FHIP1A: variants seen among roughly 807,000 people sequenced by gnomAD.
The protein encoded by FHIP1A is FHF complex subunit HOOK interacting protein 1A.
FHIP1A carries 61 observed loss-of-function variants against 88.6 expected under a neutral mutation model. The ratio of observed to expected loss-of-function variants is 0.69; its 90% CI spans 0.56 to 0.85. The LOEUF is 0.85. Among genes scored for constraint, FHIP1A ranks in the 40% least tolerant of loss-of-function variants. The pLI is 0.00. For synonymous variants in FHIP1A, 478 were observed against 496.0 expected (o/e 0.96, Z 0.48); for missense variants, 1,154 against 1,273.5 (o/e 0.91, Z 1.43).
At chr4:151,570,140 C>A (rs897395515) in intron 4 of FHIP1A, among the ~76,000 whole-genome samples, 1 of 152,158 alleles carries the variant, frequency 6.6e-6, no homozygotes. Flanking sequence ...GAATTTGTTA[C>A]GTCCTGGCTT....
At chr4:151,600,800 A>T (rs1734840591) in intron 7 of FHIP1A, among the ~76,000 whole-genome samples, 1 of 152,084 alleles carries the variant, frequency 6.6e-6, no homozygotes, top group African/African-American at 2.4e-5. Flanking sequence ...CGGTAATTGG[A>T]TTCCTGTACT....
rs1578870859 is a variant in FHIP1A, at chr4:151,656,438, C to T, written c.2730+28C>T. The T allele has an allele frequency of 1.3e-6, 2 of 1,542,330 alleles. No individual in the cohort carries two copies. The highest frequency in any genetic ancestry group is 2.5e-5 in the East Asian group (1 of 40,764). On this transcript the variant is annotated intron_variant, in intron 12 of 13. Coordinates refer to ENST00000435205, the MANE Select transcript of FHIP1A (RefSeq NM_001109977.3). This position sits in a 1 kb window ranked among gnomAD's most constrained non-coding sequence, Gnocchi z 4.2. ...ATGTTAGCTGAACCCACATCCACAC[C>T]TGTTGATTTTGTGGGTGCTAATTTG...
chr4:151,545,058 C>T (rs1183401997), intron 3 of FHIP1A, among the ~76,000 whole-genome samples: 1 of 152,152 alleles, frequency 6.6e-6, no homozygotes, highest in Non-Finnish European at 1.5e-5. Flanking sequence ...CTGGGCAACA[C>T]AGTGGGACTC....
intron 3 of FHIP1A, among the ~76,000 whole-genome samples, chr4:151,543,632 A>G (rs1404797156): frequency 6.6e-6 from 1 of 152,214 alleles, no homozygotes; most frequent in Admixed American, 6.5e-5. Context: ...ACGTACACAC[A>G]TTATACATAA....
At chr4:151,535,519 A>T (rs2126718801) in intron 3 of FHIP1A, among the ~76,000 whole-genome samples, 1 of 152,332 alleles carries the variant, frequency 6.6e-6, no homozygotes, top group East Asian at 1.9e-4. Context: ...AATTTACACT[A>T]TATATACATA....
chr4:151,657,403 G>C (rs1442812248), intron 13 of FHIP1A, among the ~76,000 whole-genome samples: 4 of 152,120 alleles, frequency 2.6e-5, no homozygotes, highest in Non-Finnish European at 4.4e-5. Flanking sequence ...TAAAGTTTAT[G>C]CTCAGCCTAA....
At position 151,585,129 on chromosome 4, in the gene FHIP1A, G is replaced by A. The variant is rs985514086; in HGVS notation, c.733-1512G>A. On this transcript the variant is annotated intron_variant, in intron 5 of 13. Transcript: ENST00000435205. ...TTTCTTGAATGTTTCCATCTCATTC[G>A]AGGCCATTGTCACCTCAGGGTTTGT... is the stretch of plus-strand genomic sequence containing the variant. Among the ~76,000 whole-genome samples, 123 of 151,778 alleles carry A rather than the reference G, an allele frequency of 8.1e-4. 1 individual carries two copies. Among genetic ancestry groups the A allele is most frequent in the Non-Finnish European group, 2.4e-4 (16 of 67,960 alleles).
intron 3 of FHIP1A, among the ~76,000 whole-genome samples, chr4:151,502,510 C>T (rs533766593): frequency 6.6e-6 from 1 of 151,994 alleles, no homozygotes; most frequent in Non-Finnish European, 1.5e-5. Flanking sequence ...AAGATTTGAG[C>T]AGGTGGAAGA....
chr4:151,530,642 C>T (rs991497771), intron 3 of FHIP1A, among the ~76,000 whole-genome samples: 9 of 152,128 alleles, frequency 5.9e-5, no homozygotes, highest in Non-Finnish European at 1.2e-4. Context: ...TCTGGGAAAA[C>T]GTTTGCAATT....
chr4:151,558,980 A>G (rs1733065185), intron 3 of FHIP1A, among the ~76,000 whole-genome samples: 1 of 152,162 alleles, frequency 6.6e-6, no homozygotes, highest in African/African-American at 2.4e-5. Flanking sequence ...AATTATTTAC[A>G]TTTTCCTGAT....
At chr4:151,615,117 C>T (rs1031654070) in intron 7 of FHIP1A, among the ~76,000 whole-genome samples, 1 of 152,174 alleles carries the variant, frequency 6.6e-6, no homozygotes. Context: ...TCCTCTAAAA[C>T]GCCATCAATT....
At chr4:151,489,546 T>G (rs1730209205) in intron 3 of FHIP1A, among the ~76,000 whole-genome samples, 1 of 152,164 alleles carries the variant, frequency 6.6e-6, no homozygotes, top group Non-Finnish European at 1.5e-5. Flanking sequence ...CTGAGAGCCC[T>G]GCTTGCTTTC....
At chr4:151,485,588 A>G (rs1730053755) in intron 3 of FHIP1A, among the ~76,000 whole-genome samples, 1 of 150,456 alleles carries the variant, frequency 6.6e-6, no homozygotes, top group Admixed American at 6.6e-5. Flanking sequence ...GGTGGAGCTC[A>G]GAGTTTTTTT....
At position 151,409,277 on chromosome 4, in the gene FHIP1A, C is replaced by T. The variant is rs1732501011; in HGVS notation, c.-544C>T. On this transcript the variant is annotated 5_prime_UTR_variant, in exon 1 of 14. Transcript: ENST00000435205. Reference sequence around the variant, plus strand: ...TTCCCGGGCACTCCTGAGTTTGAGCCGGGCCTGGAGGACCTGGGCCAAGAC... The same window carrying T: ...TTCCCGGGCACTCCTGAGTTTGAGCTGGGCCTGGAGGACCTGGGCCAAGAC... The T allele has an allele frequency of 6.6e-6, 1 of 152,226 alleles. No homozygotes were observed. Among genetic ancestry groups the T allele is most frequent in the South Asian group, 2.1e-4 (1 of 4,834 alleles). The allele number at this position is 152,226 out of a possible 1,614,324, so 9.4% of individuals were successfully genotyped here.
intron 4 of FHIP1A, 42 bp downstream of exon 4, chr4:151,566,406 C>A: frequency 8.9e-7 from 1 of 1,122,558 alleles, no homozygotes; most frequent in Non-Finnish European, 1.3e-6. Flanking sequence ...CTCAGTAACC[C>A]CAGGGGCCTC....
chr4:151,442,291 C>G (rs1008881062), intron 1 of FHIP1A, among the ~76,000 whole-genome samples: 1 of 151,804 alleles, frequency 6.6e-6, no homozygotes, highest in Non-Finnish European at 1.5e-5. Flanking sequence ...CTGTTTTAGT[C>G]AGAGTTTGTT....
intron 1 of FHIP1A, among the ~76,000 whole-genome samples, chr4:151,439,246 G>C (rs1038770711): frequency 3.3e-5 from 5 of 152,112 alleles, no homozygotes; most frequent in African/African-American, 1.2e-4. Context: ...GGCATTAAAA[G>C]GACTGACTCC....
intron 2 of FHIP1A, among the ~76,000 whole-genome samples, chr4:151,481,592 A>C (rs1729897025): frequency 6.6e-6 from 1 of 152,046 alleles, no homozygotes; most frequent in Non-Finnish European, 1.5e-5. Context: ...AGTGAAGGCA[A>C]GTTTATTAAG....
At chr4:151,474,822 G>A (rs973170296) in intron 2 of FHIP1A, among the ~76,000 whole-genome samples, 2 of 152,216 alleles carry the variant, frequency 1.3e-5, no homozygotes. Context: ...ATGGGTATCA[G>A]TAGGAAGGCT....
Sources: allele counts gnomAD v4.1 joint callset (sites outside exome capture counted in the v4.1 genomes callset), GRCh38; gene constraint gnomAD v4.1.1; non-coding constraint Gnocchi (gnomAD v3.1); transcripts MANE v1.5; gene names NCBI Gene and HGNC (gene_info 2026-07-23, HGNC 2026-07-21).